CNTNAP3: variants seen among roughly 807,000 people sequenced by gnomAD.
CNTNAP3 encodes the protein contactin associated protein family member 3, also known as contactin-associated protein-like 3.
In CNTNAP3, 36 loss-of-function variants were observed where a neutral mutation model predicts 92.1. That is an observed-to-expected ratio of 0.39 (90% CI 0.30 to 0.52). The LOEUF is 0.52. Ranked by LOEUF, CNTNAP3 falls within the 20% of genes least tolerant of loss-of-function variation. CNTNAP3 has a pLI of 0.76. For missense variants in CNTNAP3, 534 were observed against 1,069.6 expected, an observed-to-expected ratio of 0.50 and a Z score of 6.98; for synonymous variants, 232 against 422.3, an observed-to-expected ratio of 0.55 and a Z score of 5.53.
rs1825631449 is a variant in CNTNAP3, at chr9:39,071,308, A to C, written c.*2582T>G. Among the ~76,000 whole-genome samples the C allele has an allele frequency of 6.7e-6, 1 of 150,296 alleles. No homozygotes were observed. The highest frequency in any genetic ancestry group is 1.5e-5 in the Non-Finnish European group (1 of 67,784). The stretch of plus-strand genomic sequence containing the variant: ...CAAAGTATGTTAAGTTTATGCCGTA[A>C]TAATGACTTTTAGTAAACAATGAAG... On this transcript the variant is annotated 3_prime_UTR_variant, in exon 24 of 24. Coordinates refer to ENST00000297668, the MANE Select transcript of CNTNAP3 (RefSeq NM_033655.5).
chr9:39,147,028 T>C (rs1821719800), intron 10 of CNTNAP3, among the ~76,000 whole-genome samples: 1 of 152,156 alleles, frequency 6.6e-6, no homozygotes, highest in African/African-American at 2.4e-5. Flanking sequence ...GCTGTTCTCA[T>C]GATAGTGAAT....
At position 39,123,543 on chromosome 9, in the gene CNTNAP3, T is replaced by C. The variant is rs959910990; in HGVS notation, c.2081-5284A>G. 5.9e-5 allele frequency among the ~76,000 whole-genome samples: 9 copies of C among 152,030 alleles called. No homozygotes were observed. In the East Asian group the frequency reaches 1.7e-3, roughly 29 times the overall value. ...TTAATGACAGACATGAAACCATAGG[T>C]TCAGGAATCTCAGCAAACACCAAGC... On this transcript the variant is annotated intron_variant, in intron 13 of 23. Transcript: ENST00000297668.
rs1825571709 is a variant in CNTNAP3 at position 39,068,802 on chromosome 9, C to T, written c.*5088G>A. Among the ~76,000 whole-genome samples, 3 of 152,308 alleles carry T rather than the reference C, an allele frequency of 2.0e-5. No individual in the cohort carries two copies. The highest frequency in any genetic ancestry group is 7.2e-5 in the African/African-American group (3 of 41,484). Reference sequence around the variant, plus strand: ...GTCTCAAATTCTCTCAAGTTGTAAGCTGGGATACTCACAGCACACATCTTA... The same window carrying T: ...GTCTCAAATTCTCTCAAGTTGTAAGTTGGGATACTCACAGCACACATCTTA... On this transcript the variant is annotated 3_prime_UTR_variant, in exon 24 of 24. Coordinates refer to ENST00000297668, the MANE Select transcript of CNTNAP3 (RefSeq NM_033655.5).
intron 18 of CNTNAP3, 121 bp downstream of exon 18, chr9:39,099,790 T>C: frequency 8.4e-7 from 1 of 1,190,466 alleles, no homozygotes; most frequent in Non-Finnish European, 1.2e-6. Context: ...GGTACAGAAA[T>C]TATTCCATTT....
At chr9:39,083,075 G>GT (rs1353635541) in intron 21 of CNTNAP3, among the ~76,000 whole-genome samples, 2 of 151,688 alleles carry the variant, frequency 1.3e-5, no homozygotes, top group African/African-American at 4.8e-5. Flanking sequence ...TGTTAAAACT[G>GT]TATGTCTTAT....
intron 12 of CNTNAP3, among the ~76,000 whole-genome samples, chr9:39,137,105 C>A (rs911174552): frequency 5.9e-5 from 9 of 151,590 alleles, no homozygotes; most frequent in African/African-American, 2.2e-4. Flanking sequence ...TCCTAGAATT[C>A]TCTTTACACG....
intron 9 of CNTNAP3, among the ~76,000 whole-genome samples, chr9:39,150,876 TAAG>T (rs1563893376): frequency 7.7e-6 from 1 of 129,960 alleles, no homozygotes. Context: ...ACAGTACTTA[TAAG>T]AAGCAGTGGT....
At chr9:39,086,971 T>C (rs2118421446) in intron 19 of CNTNAP3, 122 bp from the exon 20 acceptor site, 1 of 822,148 alleles carries the variant, frequency 1.2e-6, no homozygotes, top group South Asian at 1.9e-5. Flanking sequence ...TTAGCATCAA[T>C]TTAGATGCAC....
intron 14 of CNTNAP3, among the ~76,000 whole-genome samples, chr9:39,111,698 T>C (rs1587713089): frequency 6.6e-6 from 1 of 152,252 alleles, no homozygotes; most frequent in African/African-American, 2.4e-5. Flanking sequence ...AAATGCAATT[T>C]AATTATTTAT....
chr9:39,175,500 GC>G (rs1262433335), intron 7 of CNTNAP3, among the ~76,000 whole-genome samples: 3 of 72,192 alleles, frequency 4.2e-5, no homozygotes, highest in Non-Finnish European at 5.3e-5. Flanking sequence ...AAAAAAATTG[GC>G]CCAGGCCCAG....
chr9:39,136,108 G>A (rs1821422767), intron 12 of CNTNAP3, among the ~76,000 whole-genome samples: 1 of 149,998 alleles, frequency 6.7e-6, no homozygotes, highest in Admixed American at 6.6e-5. Context: ...CAGCCTGGGT[G>A]ACAGAGCAAG....
chr9:39,115,642 T>G lies in CNTNAP3; in HGVS notation c.2237+2461A>C, dbSNP rs957738094. On this transcript the variant is annotated intron_variant, in intron 14 of 23. Transcript: ENST00000297668. The stretch of plus-strand genomic sequence containing the variant: ...AAGCAAATGACTCCACAATGCTCCC[T>G]TCTGAATGTAGGAGGGGAGTTAATT... Among the ~76,000 whole-genome samples, 363 of 151,990 alleles carry G rather than the reference T, an allele frequency of 2.4e-3. 1 individual carries two copies. Among genetic ancestry groups the G allele is most frequent in the African/African-American group, 8.4e-3 (348 of 41,464 alleles).
intron 15 of CNTNAP3, among the ~76,000 whole-genome samples, chr9:39,108,782 T>C (rs1310623640): frequency 6.6e-6 from 1 of 151,954 alleles, no homozygotes; most frequent in African/African-American, 2.4e-5. Flanking sequence ...GGTCAGAAAA[T>C]AGAGAGTGTC....
Position 39,068,363 on chromosome 9 carries a change from C to G in CNTNAP3, c.*5527G>C, listed in dbSNP as rs2118329784. 6.6e-6 allele frequency among the ~76,000 whole-genome samples: 1 copy of G among 152,428 alleles called. No individual in the cohort carries two copies. On this transcript the variant is annotated 3_prime_UTR_variant, in exon 24 of 24. Coordinates refer to ENST00000297668, the MANE Select transcript of CNTNAP3 (RefSeq NM_033655.5). ...CCCTGGAGGCGGAGCTTGCAGTGAG[C>G]CAGGATCGCGCCACTGCACTCCAGC...
At chr9:39,111,065 A>T (rs1826737252) in intron 14 of CNTNAP3, among the ~76,000 whole-genome samples, 1 of 151,698 alleles carries the variant, frequency 6.6e-6, no homozygotes, top group Non-Finnish European at 1.5e-5. Flanking sequence ...GGCATGTCAG[A>T]GTTGTACATA....
intron 14 of CNTNAP3, among the ~76,000 whole-genome samples, chr9:39,117,311 C>T (rs745825681): frequency 2.0e-5 from 3 of 151,908 alleles, no homozygotes; most frequent in Admixed American, 6.6e-5. Flanking sequence ...TTTTAAAGCA[C>T]GTACTCTACA....
intron 13 of CNTNAP3, among the ~76,000 whole-genome samples, chr9:39,128,688 G>C (rs1351506932): frequency 6.6e-6 from 1 of 151,808 alleles, no homozygotes; most frequent in Non-Finnish European, 1.5e-5. Flanking sequence ...CTGCAATAAA[G>C]CAAGAAAAAT....
At chr9:39,139,284 T>C (rs1390431990) in intron 12 of CNTNAP3, among the ~76,000 whole-genome samples, 3 of 152,150 alleles carry the variant, frequency 2.0e-5, no homozygotes, top group Non-Finnish European at 4.4e-5. Context: ...TGACTTTGGT[T>C]GAGTCTTTTG....
At chr9:39,098,967 T>G (rs1826388489) in intron 18 of CNTNAP3, among the ~76,000 whole-genome samples, 1 of 145,806 alleles carries the variant, frequency 6.9e-6, no homozygotes, top group Admixed American at 6.8e-5. Context: ...AGTCCCTTTT[T>G]CCTTTTCTTT....
Sources: gnomAD v4.1 joint callset for allele counts (sites outside exome capture counted in the v4.1 genomes callset) on GRCh38, gnomAD v4.1.1 for gene constraint, MANE v1.5 for transcripts, NCBI Gene and HGNC (gene_info 2026-07-23, HGNC 2026-07-21) for gene names.